PCDHGA11: variants seen among roughly 807,000 people sequenced by gnomAD.
The protein encoded by PCDHGA11 is protocadherin gamma-A11.
PCDHGA11 carries 39 observed loss-of-function variants against 60.4 expected under a neutral mutation model. The observed-to-expected ratio is 0.65, with a 90% CI of 0.50 to 0.84. PCDHGA11 has a LOEUF of 0.84. PCDHGA11 is among the 40% of genes least tolerant of loss of function. The pLI is 0.00. For synonymous variants in PCDHGA11, 533 were observed against 510.3 expected (o/e 1.04, Z -0.60); for missense variants, 1,165 against 1,197.7 (o/e 0.97, Z 0.40).
At chr5:141,467,185 TG>T (rs1295935271) in intron 1 of PCDHGA11, among the ~76,000 whole-genome samples, 1 of 152,004 alleles carries the variant, frequency 6.6e-6, no homozygotes, top group African/African-American at 2.4e-5. Context: ...CCCAAGTAGC[TG>T]GGATTACAGG....
chr5:141,464,266 AAAAAAAAAAAAGC>A (rs2099079689), intron 1 of PCDHGA11, among the ~76,000 whole-genome samples: 2 of 138,926 alleles, frequency 1.4e-5, no homozygotes, highest in Admixed American at 1.4e-4. Flanking sequence ...CTCCGTCTAA[AAAAAAAAAAAAGC>A]AAAAAAAAAA....
intron 3 of PCDHGA11, 31 bp downstream of exon 3, chr5:141,505,512 T>C (rs754223095): frequency 6.2e-7 from 1 of 1,613,676 alleles, no homozygotes; most frequent in South Asian, 1.1e-5. Context: ...TATGGAAGAG[T>C]GGGAGACCTG....
intron 1 of PCDHGA11, among the ~76,000 whole-genome samples, chr5:141,464,882 A>T (rs1418376370): frequency 6.6e-6 from 1 of 151,918 alleles, no homozygotes; most frequent in Middle Eastern, 3.2e-3. Context: ...AGGACTACAG[A>T]TGGATGCCAC....
In PCDHGA11 at chr5:141,489,372, G is replaced by A. The variant is rs1335356378; in HGVS notation, c.2434-5435G>A. 2 of 1,613,814 alleles carry A rather than the reference G, an allele frequency of 1.2e-6. No individual in the cohort carries two copies. Among genetic ancestry groups the A allele is most frequent in the Non-Finnish European group, 1.7e-6 (2 of 1,179,700 alleles). On this transcript the variant is annotated intron_variant, in intron 1 of 3. Transcript: ENST00000398587. The surrounding 1 kb of genome is among the most constrained non-coding windows in gnomAD (Gnocchi z 4.5). ...TGGAGGAGTCTGAGCCGGGGACGCT[G>A]GTGGGGAATGTTGCTCAGGATCTGG...
At position 141,422,119 on chromosome 5, in the gene PCDHGA11, C is replaced by T. The variant is rs778866054; in HGVS notation, c.892C>T (p.Gln298Ter). 26 of 1,603,658 alleles carry T rather than the reference C, an allele frequency of 1.6e-5. No homozygotes were observed. In the Admixed American group the frequency reaches 4.2e-4, roughly 26 times the overall value. ...KASEIFQLDS[Q>*]TGEVQVRGSL... ...TTCTGAAATATTCCAATTGGATTCA[C>T]AAACTGGAGAAGTTCAAGTACGGGG... Residue 298 changes from glutamine (Q) to a stop codon, truncating the protein, a stop_gained, in exon 1 of 4, where the codon CAA (glutamine) becomes TAA (stop). Transcript: ENST00000398587. LOFTEE classifies it high-confidence loss of function.
chr5:141,421,613 A>G lies in PCDHGA11; in HGVS notation c.386A>G (p.Asp129Gly). Reference sequence around the variant, plus strand: ...GAGGTGGAAATAATAGATATTAATGATAACGCCCCCAGCTTCCAGGAGGAC... The same window carrying G: ...GAGGTGGAAATAATAGATATTAATGGTAACGCCCCCAGCTTCCAGGAGGAC... ...GVEVEIIDIN[D>G]NAPSFQEDEV... The change falls in exon 1 of 4, where the codon GAT (aspartate) becomes GGT (glycine). Residue 129 changes from aspartate to glycine, a missense_variant. Physicochemically the swap from Asp to Gly is moderately conservative, Grantham distance 94. Coordinates refer to ENST00000398587, the MANE Select transcript of PCDHGA11 (RefSeq NM_018914.3). The G allele has an allele frequency of 1.2e-6, 2 of 1,613,838 alleles. No homozygotes were observed. The highest frequency in any genetic ancestry group is 2.2e-5 in the South Asian group (2 of 91,076).
Position 141,496,980 on chromosome 5 carries a change from G to A in PCDHGA11, c.2492+2115G>A, listed in dbSNP as rs186715298. On this transcript the variant is annotated intron_variant, in intron 2 of 3. Coordinates refer to ENST00000398587, the MANE Select transcript of PCDHGA11 (RefSeq NM_018914.3). ...GTGGGTAGATCACTTGAGGTCAGGG[G>A]TTTGAGACCAGCCTGGCAGCCAACA... Among the ~76,000 whole-genome samples the A allele has an allele frequency of 1.6e-3, 236 of 152,074 alleles. 2 individuals are homozygous for A. Among genetic ancestry groups the A allele is most frequent in the South Asian group, 7.5e-3 (36 of 4,814 alleles).
intron 1 of PCDHGA11, chr5:141,440,921 G>C (rs1213425379): frequency 6.6e-6 from 1 of 152,260 alleles, no homozygotes; most frequent in Non-Finnish European, 1.5e-5. Context: ...TGTGCTGAGA[G>C]TGAGGGCCAC....
Position 141,421,078 on chromosome 5 carries a change from C to T in PCDHGA11, c.-150C>T, listed in dbSNP as rs11575964. 0.033 allele frequency: 20,754 copies of T among 627,892 alleles called. 387 individuals carry two copies. The highest frequency in any genetic ancestry group is 0.088 in the Middle Eastern group (204 of 2,320). The allele number at this position is 627,892 out of a possible 1,614,324, so 38.9% of individuals were successfully genotyped here. Reference sequence around the variant, plus strand: ...CACACAAAGCGGAATGAGATGGATACTCACAGATCCTGACACTGGAGACTT... The same window carrying T: ...CACACAAAGCGGAATGAGATGGATATTCACAGATCCTGACACTGGAGACTT... On this transcript the variant is annotated 5_prime_UTR_variant, in exon 1 of 4. Coordinates refer to ENST00000398587, the MANE Select transcript of PCDHGA11 (RefSeq NM_018914.3).
chr5:141,506,209 G>A (rs549403288), intron 3 of PCDHGA11, among the ~76,000 whole-genome samples: 3 of 152,284 alleles, frequency 2.0e-5, no homozygotes, highest in African/African-American at 7.2e-5. Context: ...CCAGCACTTT[G>A]GGAAGCTGAG....
chr5:141,422,006 C>G lies in PCDHGA11; in HGVS notation c.779C>G (p.Thr260Ser). 1 of 1,609,754 alleles carries G rather than the reference C, an allele frequency of 6.2e-7. No homozygotes were observed. The highest frequency in any genetic ancestry group is 8.5e-7 in the Non-Finnish European group (1 of 1,178,192). The part of the protein sequence containing the change: ...VSVPENISSG[T>S]RVLMVNATDP... The stretch of plus-strand genomic sequence containing the variant: ...GTTCCAGAAAACATCAGCTCCGGAA[C>G]TCGGGTGCTGATGGTTAATGCAACG... Residue 260 changes from threonine (T) to serine (S), a missense_variant, in exon 1 of 4, where the codon ACT (threonine) becomes AGT (serine). Physicochemically the swap from Thr to Ser is moderately conservative, Grantham distance 58. Transcript: ENST00000398587.
chr5:141,436,051 A>G (rs2097793554), intron 1 of PCDHGA11, among the ~76,000 whole-genome samples: 1 of 152,194 alleles, frequency 6.6e-6, no homozygotes, highest in Admixed American at 6.5e-5. Flanking sequence ...ATTAGTTTTC[A>G]AATAGAATTT....
At chr5:141,458,318 A>T (rs1420197662) in intron 1 of PCDHGA11, among the ~76,000 whole-genome samples, 1 of 152,128 alleles carries the variant, frequency 6.6e-6, no homozygotes, top group Non-Finnish European at 1.5e-5. Context: ...ACACAGACAC[A>T]TGTGGAGTGG....
At chr5:141,470,851 A>G (rs1410012138) in intron 1 of PCDHGA11, among the ~76,000 whole-genome samples, 2 of 151,876 alleles carry the variant, frequency 1.3e-5, no homozygotes, top group Non-Finnish European at 2.9e-5. Context: ...CCATGCTCAG[A>G]TAAGTTTTTT....
intron 1 of PCDHGA11, among the ~76,000 whole-genome samples, chr5:141,446,686 C>T (rs574630887): frequency 1.3e-5 from 2 of 152,294 alleles, no homozygotes; most frequent in African/African-American, 4.8e-5. Context: ...CCATATTGGC[C>T]AGGCTGGTCT....
chr5:141,443,656 A>T (rs139300845), intron 1 of PCDHGA11, among the ~76,000 whole-genome samples: 1 of 152,256 alleles, frequency 6.6e-6, no homozygotes, highest in African/African-American at 2.4e-5. Flanking sequence ...TTAGCATAGC[A>T]TTTTACTGAA....
rs772337723 is a variant in PCDHGA11, at chr5:141,423,007, G to C, written c.1780G>C (p.Ala594Pro). The change falls in exon 1 of 4, where the codon GCG (alanine) becomes CCG (proline). Residue 594 changes from alanine to proline, a missense_variant. Ala to Pro is a conservative substitution (Grantham distance 27, BLOSUM62 -1). Transcript: ENST00000398587. ...EPGYLVTKVV[A>P]VDKDSGQNAW... ...TGGCTACCTGGTGACCAAGGTGGTT[G>C]CGGTGGACAAAGATTCAGGCCAGAA... is the stretch of plus-strand genomic sequence containing the variant. 3 of 1,614,242 alleles carry C rather than the reference G, an allele frequency of 1.9e-6. No homozygotes were observed. The highest frequency in any genetic ancestry group is 2.5e-6 in the Non-Finnish European group (3 of 1,180,040).
In PCDHGA11 at chr5:141,422,062, A is replaced by G. The variant is rs776838280; in HGVS notation, c.835A>G (p.Met279Val). The G allele has an allele frequency of 1.2e-6, 2 of 1,612,022 alleles. No individual in the cohort carries two copies. The highest frequency in any genetic ancestry group is 2.7e-5 in the African/African-American group (2 of 74,802). ...AGACGAGGGAATCAACGGGGAAGTAATGTATTCATTTCGGAACATGGAAAG... is the reference window on the plus strand; with the variant it reads ...AGACGAGGGAATCAACGGGGAAGTAGTGTATTCATTTCGGAACATGGAAAG... Reference protein sequence around the residue: ...DPDEGINGEVMYSFRNMESKA... With the variant: ...DPDEGINGEVVYSFRNMESKA... The change falls in exon 1 of 4, where the codon ATG (methionine) becomes GTG (valine). Residue 279 changes from methionine (M) to valine (V), a missense_variant. Transcript: ENST00000398587.
Position 141,431,325 on chromosome 5 carries a change from G to GT in PCDHGA11, c.2433+7666dup, listed in dbSNP as rs1340996903. On this transcript the variant is annotated intron_variant, in intron 1 of 3. Transcript: ENST00000398587. This position sits in a 1 kb window ranked among gnomAD's most constrained non-coding sequence, Gnocchi z 4.8. ...ATCGTGCAAAATGGAGCCGACGGTA[G>GT]TAAGTACCCCGAATTGGTGCTGAAA... 22 of 1,614,028 alleles carry GT rather than the reference G, an allele frequency of 1.4e-5. No homozygotes were observed. In the Admixed American group the frequency reaches 2.5e-4, roughly 18 times the overall value.
Sources: allele counts gnomAD v4.1 joint callset (sites outside exome capture counted in the v4.1 genomes callset), GRCh38; gene constraint gnomAD v4.1.1; non-coding constraint Gnocchi (gnomAD v3.1); transcripts MANE v1.5; gene names NCBI Gene and HGNC (gene_info 2026-07-23, HGNC 2026-07-21).